The following NAA40 variants were observed in gnomAD, a reference collection of about 807,000 sequenced individuals.
NAA40 encodes N-alpha-acetyltransferase 40, NatD catalytic subunit, also known as N-alpha-acetyltransferase 40.
NAA40 carries 26 observed loss-of-function variants against 36.6 expected under a neutral mutation model. That is an observed-to-expected ratio of 0.71 (90% CI 0.52 to 0.98). The LOEUF is 0.98. NAA40 is among the 50% of genes least tolerant of loss of function. The probability of loss-of-function intolerance (pLI) is 0.00; values close to 1 mark genes in which losing one functional copy is unlikely to be tolerated. For missense variants in NAA40, 237 were observed against 306.5 expected, an observed-to-expected ratio of 0.77 and a Z score of 1.69; for synonymous variants, 129 against 108.4, an observed-to-expected ratio of 1.19 and a Z score of -1.18.
intron 1 of NAA40, among the ~76,000 whole-genome samples, chr11:63,944,605 G>C (rs1055294984): frequency 6.6e-6 from 1 of 152,138 alleles, no homozygotes; most frequent in African/African-American, 2.4e-5. Context: ...TGGAGAGCAG[G>C]AAGAGGCTTT....
intron 6 of NAA40, 63 bp downstream of exon 6, chr11:63,952,902 A>G (rs1042119251): frequency 7.0e-7 from 1 of 1,437,150 alleles, no homozygotes; most frequent in Non-Finnish European, 9.7e-7. Flanking sequence ...TCACTGAGGC[A>G]CTTGCCATTC....
At chr11:63,945,289 C>G (rs1942168687) in intron 1 of NAA40, among the ~76,000 whole-genome samples, 1 of 152,182 alleles carries the variant, frequency 6.6e-6, no homozygotes, top group African/African-American at 2.4e-5. Flanking sequence ...GGGAATGGCT[C>G]TGTGTCCTTG....
chr11:63,940,854 G>T (rs77655555), intron 1 of NAA40, among the ~76,000 whole-genome samples: 1 of 152,270 alleles, frequency 6.6e-6, no homozygotes, highest in East Asian at 1.9e-4. Context: ...AGAGACCTTA[G>T]GCATATTTAA....
chr11:63,942,770 C>T (rs1476744076), intron 1 of NAA40, among the ~76,000 whole-genome samples: 2 of 152,248 alleles, frequency 1.3e-5, no homozygotes, highest in East Asian at 1.9e-4. Flanking sequence ...TGCACCCTGC[C>T]TTCTGCCCCA....
chr11:63,949,194 A>C (rs1471036713), intron 3 of NAA40, among the ~76,000 whole-genome samples: 1 of 151,580 alleles, frequency 6.6e-6, no homozygotes, highest in Non-Finnish European at 1.5e-5. Context: ...AAAACAAAAC[A>C]AAAACCCAAA....
intron 1 of NAA40, among the ~76,000 whole-genome samples, chr11:63,944,019 C>G (rs900275034): frequency 3.3e-5 from 5 of 152,140 alleles, no homozygotes; most frequent in Admixed American, 2.6e-4. Context: ...GAGATCTTGC[C>G]TGTGTTCCAC....
chr11:63,952,397 A>G lies in NAA40; in HGVS notation c.252-10A>G. The G allele has an allele frequency of 1.9e-6, 3 of 1,613,520 alleles. No individual in the cohort carries two copies. The highest frequency in any genetic ancestry group is 2.2e-5 in the East Asian group (1 of 44,858). On this transcript the variant is annotated splice_polypyrimidine_tract_variant and intron_variant, in intron 4 of 7. Coordinates refer to ENST00000377793, the MANE Select transcript of NAA40 (RefSeq NM_024771.4). Reference sequence around the variant, plus strand: ...CAGCTTTCCCGTCTGACTGCTCCCAAATTCCCCAGGTATGAGCAGAGCGAG... The same window carrying G: ...CAGCTTTCCCGTCTGACTGCTCCCAGATTCCCCAGGTATGAGCAGAGCGAG...
intron 1 of NAA40, among the ~76,000 whole-genome samples, chr11:63,940,252 C>G (rs1262325105): frequency 6.6e-6 from 1 of 151,916 alleles, no homozygotes; most frequent in African/African-American, 2.4e-5. Flanking sequence ...GGTTTCACCA[C>G]GTTGGCCAGG....
At chr11:63,940,619 CCTTAA>C (rs1269859732) in intron 1 of NAA40, among the ~76,000 whole-genome samples, 1 of 152,102 alleles carries the variant, frequency 6.6e-6, no homozygotes, top group Non-Finnish European at 1.5e-5. Context: ...GTATCCTCAG[CCTTAA>C]CTTTACTGAT....
intron 2 of NAA40, chr11:63,946,356 G>T: frequency 7.8e-6 from 2 of 257,216 alleles, no homozygotes; most frequent in South Asian, 5.5e-5. Context: ...TGGGACTATA[G>T]GTGCCCACCA....
At chr11:63,946,523 C>A in intron 2 of NAA40, 2 of 1,143,300 alleles carry the variant, frequency 1.7e-6, no homozygotes, top group Non-Finnish European at 1.1e-6. Flanking sequence ...CATTTAGTAT[C>A]CCATTTTTTG....
chr11:63,952,382 G>C (rs375999877), intron 4 of NAA40, 25 bp from the exon 5 acceptor site: 4 of 1,613,248 alleles, frequency 2.5e-6, no homozygotes, highest in African/African-American at 1.3e-5. Flanking sequence ...CAGCTTTCCC[G>C]TCTGACTGCT....
Position 63,952,314 on chromosome 11 carries a change from A to C in NAA40, c.232A>C (p.Lys78Gln). The C allele has an allele frequency of 6.2e-7, 1 of 1,613,966 alleles. No individual in the cohort carries two copies. The highest frequency in any genetic ancestry group is 8.5e-7 in the Non-Finnish European group (1 of 1,179,890). Residue 78 changes from lysine (K) to glutamine (Q), a missense_variant, in exon 4 of 8, where the codon AAA (lysine) becomes CAA (glutamine). Physicochemically the swap from Lys to Gln is moderately conservative, Grantham distance 53 (BLOSUM62 1). Coordinates refer to ENST00000377793, the MANE Select transcript of NAA40 (RefSeq NM_024771.4). ...ATVDWAFDLT[K>Q]TNMQTMYEQS... ...CGTGGATTGGGCCTTCGACCTGACC[A>C]AAACGAATATGCAAACCATGTAAGC...
At chr11:63,948,434 A>G (rs1942223373) in intron 3 of NAA40, among the ~76,000 whole-genome samples, 1 of 151,140 alleles carries the variant, frequency 6.6e-6, no homozygotes, top group Admixed American at 6.6e-5. Context: ...AAAGAAAAAT[A>G]TTTGCTGGGC....
intron 1 of NAA40, among the ~76,000 whole-genome samples, chr11:63,939,896 T>A (rs936443395): frequency 1.3e-5 from 2 of 151,850 alleles, no homozygotes; most frequent in Admixed American, 6.6e-5. Context: ...AGCCTGGAGG[T>A]GCATTTTAGT....
At chr11:63,948,151 G>T (rs532309269) in intron 3 of NAA40, among the ~76,000 whole-genome samples, 31 of 152,308 alleles carry the variant, frequency 2.0e-4, no homozygotes, top group African/African-American at 7.2e-4. Context: ...CACCGCGCCT[G>T]GCCTGATGTC....
intron 3 of NAA40, among the ~76,000 whole-genome samples, chr11:63,950,858 C>G (rs1942269205): frequency 6.6e-6 from 1 of 152,186 alleles, no homozygotes; most frequent in African/African-American, 2.4e-5. Flanking sequence ...TCCTCTGGTG[C>G]CTTGAATTTT....
chr11:63,947,620 G>A (rs1380986028), intron 3 of NAA40, among the ~76,000 whole-genome samples: 2 of 151,444 alleles, frequency 1.3e-5, no homozygotes, highest in African/African-American at 2.4e-5. Context: ...ACGCAATCTC[G>A]GCTCACTGCA....
At position 63,955,841 on chromosome 11, in the gene NAA40, C is replaced by G. The variant is rs905674980; in HGVS notation, c.*1362C>G. On this transcript the variant is annotated 3_prime_UTR_variant, in exon 8 of 8. Coordinates refer to ENST00000377793, the MANE Select transcript of NAA40 (RefSeq NM_024771.4). ...CAAATCCTTATCAAGGAAAAAGCAC[C>G]TAACAGCTCCCTTTGGATATCCCTG... 21 of 152,302 alleles carry G rather than the reference C, an allele frequency of 1.4e-4. No homozygotes were observed. The highest frequency in any genetic ancestry group is 9.8e-4 in the Admixed American group (15 of 15,288). 9.4% of individuals were successfully genotyped at this position (152,302 alleles called of 1,614,324 possible). A position where few individuals can be genotyped will look rare whatever the true frequency, so the allele number is the denominator to read the frequency against.
Sources: allele counts gnomAD v4.1 joint callset (sites outside exome capture counted in the v4.1 genomes callset), GRCh38; gene constraint gnomAD v4.1.1; transcripts MANE v1.5; gene names NCBI Gene and HGNC (gene_info 2026-07-23, HGNC 2026-07-21).